The following KIAA1549L variants were observed in gnomAD, a reference collection of about 807,000 sequenced individuals.
KIAA1549L encodes the protein KIAA1549 like.
In KIAA1549L, 88 loss-of-function variants were observed where a neutral mutation model predicts 160.7. The ratio of observed to expected loss-of-function variants is 0.55; its 90% CI spans 0.46 to 0.65. KIAA1549L has a LOEUF of 0.65. KIAA1549L is among the 30% of genes least tolerant of loss of function. The pLI, the probability that KIAA1549L is intolerant of heterozygous loss-of-function variation, is 0.00. For synonymous variants in KIAA1549L, 950 were observed against 976.7 expected (o/e 0.97, Z 0.51); for missense variants, 2,258 against 2,437.5 (o/e 0.93, Z 1.55).
At chr11:33,589,987 T>G (rs1406503319) in intron 11 of KIAA1549L, among the ~76,000 whole-genome samples, 5 of 152,228 alleles carry the variant, frequency 3.3e-5, no homozygotes, top group Non-Finnish European at 7.3e-5. Flanking sequence ...GAATTTCATC[T>G]GCAGATTTTC....
chr11:33,618,506 T>G, intron 15 of KIAA1549L, 27 bp from the exon 16 acceptor site: 1 of 1,588,926 alleles, frequency 6.3e-7, no homozygotes, highest in Admixed American at 1.7e-5. Context: ...ATTTGCTGCA[T>G]CATAACAGTT....
At chr11:33,583,166 A>G (rs541753809) in intron 10 of KIAA1549L, among the ~76,000 whole-genome samples, 172 bp from the exon 11 acceptor site, 13 of 152,280 alleles carry the variant, frequency 8.5e-5, no homozygotes, top group Non-Finnish European at 1.5e-4. Context: ...AGCTTAAGCC[A>G]CTTGCCCAAG....
chr11:33,428,247 A>C (rs1315682047), intron 1 of KIAA1549L, among the ~76,000 whole-genome samples: 1 of 152,236 alleles, frequency 6.6e-6, no homozygotes, highest in African/African-American at 2.4e-5. Context: ...CCGGTAATGT[A>C]CAAGTGTTCT....
At chr11:33,517,161 G>A (rs1052071004) in intron 1 of KIAA1549L, among the ~76,000 whole-genome samples, 1 of 152,108 alleles carries the variant, frequency 6.6e-6, no homozygotes. Context: ...CTCCCTTTCC[G>A]CCTTTCCTGC....
At chr11:33,470,140 T>C (rs1339955815) in intron 1 of KIAA1549L, among the ~76,000 whole-genome samples, 1 of 152,214 alleles carries the variant, frequency 6.6e-6, no homozygotes, top group East Asian at 1.9e-4. Flanking sequence ...AAGAGTTTTG[T>C]AGTTTTAGCT....
chr11:33,517,774 G>A (rs1200937165), intron 1 of KIAA1549L, among the ~76,000 whole-genome samples: 1 of 152,140 alleles, frequency 6.6e-6, no homozygotes, highest in Non-Finnish European at 1.5e-5. Flanking sequence ...GGGAAACTCT[G>A]CAGGTAAAAG....
chr11:33,617,019 T>C (rs563245618), intron 15 of KIAA1549L, among the ~76,000 whole-genome samples: 18 of 151,552 alleles, frequency 1.2e-4, no homozygotes, highest in East Asian at 5.8e-4. Context: ...TATGTGCCTG[T>C]AGACCCAGCT....
intron 1 of KIAA1549L, among the ~76,000 whole-genome samples, chr11:33,382,567 G>A (rs1850093228): frequency 6.6e-6 from 1 of 152,102 alleles, no homozygotes; most frequent in Non-Finnish European, 1.5e-5. Context: ...AATTATATGT[G>A]TTCACACTTT....
chr11:33,618,633 C>A lies in KIAA1549L; in HGVS notation c.5380C>A (p.Arg1794=). ...CCTTCTGGTGACTCGGGAGCGACCC[C>A]GGCGTGGAATCCGCAACAGCGGATA... is the stretch of plus-strand genomic sequence containing the variant. ...MDLLVTRERP[R]RGIRNSGYDT... Residue 1794 remains arginine, a synonymous_variant, in exon 16 of 21, where the codon CGG becomes AGG. Transcript: ENST00000658780. 6.2e-7 allele frequency: 1 copy of A among 1,600,810 alleles called. No homozygotes were observed. The highest frequency in any genetic ancestry group is 2.3e-5 in the East Asian group (1 of 44,344).
At position 33,616,175 on chromosome 11, in the gene KIAA1549L, G is replaced by A. The variant is rs554677500; in HGVS notation, c.5280-2358G>A. Among the ~76,000 whole-genome samples, 9 of 152,238 alleles carry A rather than the reference G, an allele frequency of 5.9e-5. No individual in the cohort carries two copies. The East Asian group carries it at 1.7e-3, about 29-fold the overall frequency. ...CAGGCTTCGGCTTGGCTGGATCCAGGGGTCAGATGATGTCTCCTATGTTAG... is the reference window on the plus strand; with the variant it reads ...CAGGCTTCGGCTTGGCTGGATCCAGAGGTCAGATGATGTCTCCTATGTTAG... On this transcript the variant is annotated intron_variant, in intron 15 of 20. Coordinates refer to ENST00000658780, the MANE Select transcript of KIAA1549L (RefSeq NM_012194.3).
intron 1 of KIAA1549L, among the ~76,000 whole-genome samples, chr11:33,441,719 T>C (rs1386983471): frequency 6.6e-6 from 1 of 152,232 alleles, no homozygotes; most frequent in Admixed American, 6.5e-5. Flanking sequence ...AAATGTCGTC[T>C]TTTGAGAAGT....
chr11:33,480,281 C>G (rs1223928894), intron 1 of KIAA1549L, among the ~76,000 whole-genome samples: 1 of 152,200 alleles, frequency 6.6e-6, no homozygotes, highest in African/African-American at 2.4e-5. Flanking sequence ...CTTTCTATCT[C>G]TGTGGATTTG....
intron 4 of KIAA1549L, among the ~76,000 whole-genome samples, chr11:33,548,626 G>A (rs1048405962): frequency 6.6e-6 from 1 of 152,180 alleles, no homozygotes; most frequent in African/African-American, 2.4e-5. Context: ...ATTGCCCACT[G>A]CAGACAGGGA....
rs1393738982 is a variant in KIAA1549L, at chr11:33,669,784, G to A, written c.*1630G>A. 1 of 152,210 alleles carries A rather than the reference G, an allele frequency of 6.6e-6. No homozygotes were observed. Among genetic ancestry groups the A allele is most frequent in the Non-Finnish European group, 1.5e-5 (1 of 68,040 alleles). 9.4% of individuals were successfully genotyped at this position (152,210 alleles called of 1,614,324 possible). Reference sequence around the variant, plus strand: ...TTCCAATGGCAAACTGCCCTTTCTGGAATGTTCAGAGATGATGTGTCATGG... The same window carrying A: ...TTCCAATGGCAAACTGCCCTTTCTGAAATGTTCAGAGATGATGTGTCATGG... On this transcript the variant is annotated 3_prime_UTR_variant, in exon 21 of 21. Transcript: ENST00000658780.
chr11:33,465,882 A>AT (rs1226957501), intron 1 of KIAA1549L, among the ~76,000 whole-genome samples: 1 of 152,236 alleles, frequency 6.6e-6, no homozygotes, highest in African/African-American at 2.4e-5. Flanking sequence ...ACCTAAAACC[A>AT]TAAAAACCCT....
chr11:33,476,082 C>T (rs1046243374), intron 1 of KIAA1549L, among the ~76,000 whole-genome samples: 11 of 152,174 alleles, frequency 7.2e-5, no homozygotes, highest in Non-Finnish European at 8.8e-5. Flanking sequence ...GGCAATAGCC[C>T]GTGGGAGAGA....
At position 33,376,844 on chromosome 11, in the gene KIAA1549L, C is replaced by G. The variant is rs933987073; in HGVS notation, c.193C>G (p.Leu65Val). Residue 65 changes from leucine (L) to valine (V), a missense_variant, in exon 1 of 21, where the codon CTT becomes GTT. Transcript: ENST00000658780. The surrounding 1 kb of genome is among the most constrained non-coding windows in gnomAD (Gnocchi z 5.8). ...PPRPPTLLLG[L>V]LLLAALLEHG... ...GCGGCCACCGACGCTGCTGCTGGGACTTCTGCTGCTGGCGGCCCTCCTGGA... is the reference window on the plus strand; with the variant it reads ...GCGGCCACCGACGCTGCTGCTGGGAGTTCTGCTGCTGGCGGCCCTCCTGGA... 6.6e-6 allele frequency: 1 copy of G among 152,348 alleles called. No homozygotes were observed. The highest frequency in any genetic ancestry group is 2.4e-5 in the African/African-American group (1 of 41,440). 9.4% of individuals were successfully genotyped at this position (152,348 alleles called of 1,614,324 possible).
intron 7 of KIAA1549L, 76 bp downstream of exon 7, chr11:33,559,987 C>A: frequency 7.9e-7 from 1 of 1,260,926 alleles, no homozygotes; most frequent in Non-Finnish European, 1.1e-6. Context: ...ATTTATAGTG[C>A]CAGGCCACAT....
chr11:33,397,786 A>C (rs1475160678), intron 1 of KIAA1549L, among the ~76,000 whole-genome samples: 1 of 152,080 alleles, frequency 6.6e-6, no homozygotes, highest in Non-Finnish European at 1.5e-5. Flanking sequence ...CTATTTAAAA[A>C]ATTTATTACA....
Sources: allele counts gnomAD v4.1 joint callset (sites outside exome capture counted in the v4.1 genomes callset), GRCh38; gene constraint gnomAD v4.1.1; non-coding constraint Gnocchi (gnomAD v3.1); transcripts MANE v1.5; gene names NCBI Gene and HGNC (gene_info 2026-07-23, HGNC 2026-07-21).